TRIM2: variants seen among roughly 807,000 people sequenced by gnomAD.
TRIM2 encodes the protein tripartite motif containing 2.
Under a neutral mutation model 75.2 loss-of-function variants are expected in TRIM2, and 20 were observed. The observed-to-expected ratio is 0.27, with a 90% CI of 0.19 to 0.39. The LOEUF is 0.39. Among genes scored for constraint, TRIM2 ranks in the 10% least tolerant of loss-of-function variants. TRIM2 has a pLI of 1.00. For synonymous variants in TRIM2, 373 were observed against 388.3 expected, an observed-to-expected ratio of 0.96 and a Z score of 0.46; for missense variants, 660 against 990.8, an observed-to-expected ratio of 0.67 and a Z score of 4.48.
At chr4:153,244,364 T>TTCTTCCTCTTCC in intron 1 of TRIM2, among the ~76,000 whole-genome samples, 1 of 30,726 alleles carries the variant, frequency 3.3e-5, no homozygotes, top group South Asian at 1.5e-3. Flanking sequence ...CCTCTTCTTC[T>TTCTTCCTCTTCC]TCTTCTTCTT....
At position 153,164,630 on chromosome 4, in the gene TRIM2, C is replaced by T. The variant is rs544582394; in HGVS notation, c.-49+11360C>T. The stretch of plus-strand genomic sequence containing the variant: ...TCCCGAATTTTCTTTTGGCAGGCAA[C>T]CAGTATTACCAGCCTCTCCCATATC... On this transcript the variant is annotated intron_variant, in intron 1 of 11. Transcript: ENST00000437508. Among the ~76,000 whole-genome samples, 25 of 152,304 alleles carry T rather than the reference C, an allele frequency of 1.6e-4. No homozygotes were observed. In the South Asian group the frequency reaches 4.1e-3, roughly 25 times the overall value.
chr4:153,319,352 A>G (rs1490882381), intron 8 of TRIM2, among the ~76,000 whole-genome samples: 3 of 152,176 alleles, frequency 2.0e-5, no homozygotes, highest in South Asian at 2.1e-4. Context: ...ACTCTAAAAT[A>G]TCTCATCTCT....
chr4:153,221,976 A>AAGGGAGAG (rs1453874385), intron 1 of TRIM2, among the ~76,000 whole-genome samples: 3,288 of 45,490 alleles, frequency 0.072, 86 homozygotes, highest in South Asian at 0.16. Flanking sequence ...GGAAGGGAGG[A>AAGGGAGAG]AGGAAGGAAG....
chr4:153,311,570 G>T (rs1234852364), intron 6 of TRIM2, among the ~76,000 whole-genome samples: 16 of 151,912 alleles, frequency 1.1e-4, no homozygotes, highest in Admixed American at 1.0e-3. Flanking sequence ...TCCCTTCCTT[G>T]TATGCCCTCT....
In TRIM2 at chr4:153,160,114, A is replaced by G. The variant is rs1025893355; in HGVS notation, c.-49+6844A>G. Among the ~76,000 whole-genome samples the G allele has an allele frequency of 2.6e-5, 4 of 152,206 alleles. No homozygotes were observed. The East Asian group carries it at 7.7e-4, about 29-fold the overall frequency. ...ATTTTTAGAATATGAGTCAGTTACAATCTTTACACTGCAGTTTTGAACCAT... is the reference window on the plus strand; with the variant it reads ...ATTTTTAGAATATGAGTCAGTTACAGTCTTTACACTGCAGTTTTGAACCAT... On this transcript the variant is annotated intron_variant, in intron 1 of 11. Transcript: ENST00000437508.
intron 1 of TRIM2, among the ~76,000 whole-genome samples, chr4:153,196,804 A>T (rs1276974132): frequency 1.3e-5 from 2 of 152,164 alleles, no homozygotes. Context: ...TCCCCTTATG[A>T]TCTCTCCCAA....
chr4:153,204,737 A>T (rs781655389), intron 1 of TRIM2, among the ~76,000 whole-genome samples, 177 bp downstream of exon 1: 2 of 152,288 alleles, frequency 1.3e-5, no homozygotes, highest in Middle Eastern at 6.8e-3. Flanking sequence ...AGCTCTGTTA[A>T]TCCAGGCAGG....
chr4:153,201,857 T>C (rs1449202401), upstream of TRIM2, among the ~76,000 whole-genome samples: 1 of 152,126 alleles, frequency 6.6e-6, no homozygotes, highest in Non-Finnish European at 1.5e-5. Flanking sequence ...CTTGGAAAAA[T>C]AAACTTTCTA....
chr4:153,290,082 C>T (rs1226017818), intron 3 of TRIM2, among the ~76,000 whole-genome samples: 1 of 152,114 alleles, frequency 6.6e-6, no homozygotes, highest in African/African-American at 2.4e-5. Context: ...AAAAGTAAAC[C>T]ACCTCTGGCT....
chr4:153,287,788 T>C (rs1376941267), intron 3 of TRIM2, among the ~76,000 whole-genome samples: 4 of 152,308 alleles, frequency 2.6e-5, no homozygotes, highest in African/African-American at 4.8e-5. Flanking sequence ...TTTTATTTTA[T>C]GTCATGTAGG....
chr4:153,178,032 G>A (rs1029770106), intron 1 of TRIM2, among the ~76,000 whole-genome samples: 1 of 151,986 alleles, frequency 6.6e-6, no homozygotes, highest in South Asian at 2.1e-4. Context: ...AAACTCCTGG[G>A]CTCAAGCAAT....
intron 6 of TRIM2, among the ~76,000 whole-genome samples, chr4:153,306,592 G>A (rs1352722215): frequency 1.3e-5 from 2 of 152,164 alleles, no homozygotes; most frequent in East Asian, 1.9e-4. Flanking sequence ...GGAATAGATG[G>A]GGAATGGAAG....
Position 153,335,599 on chromosome 4 carries a change from T to C in TRIM2, c.*633T>C. On this transcript the variant is annotated 3_prime_UTR_variant, in exon 12 of 12. Transcript: ENST00000338700. ...TCAACCTTTCTGGGTTAGACAAAGA[T>C]CCTTTTTTGTGTGTTCTTTTCACCA... The C allele has an allele frequency of 1.0e-6, 1 of 985,430 alleles. No individual in the cohort carries two copies. The highest frequency in any genetic ancestry group is 1.2e-6 in the Non-Finnish European group (1 of 829,930). The allele number at this position is 985,430 out of a possible 1,614,324, so 61.0% of individuals were successfully genotyped here. A position where few individuals can be genotyped will look rare whatever the true frequency, so the allele number is the denominator to read the frequency against.
At chr4:153,154,352 C>G (rs1447231631) in intron 1 of TRIM2, among the ~76,000 whole-genome samples, 2 of 152,238 alleles carry the variant, frequency 1.3e-5, no homozygotes, top group Non-Finnish European at 2.9e-5. Context: ...GAAGACCTCA[C>G]CTTCCCCAGA....
chr4:153,297,624 A>G (rs1300109381), intron 6 of TRIM2, among the ~76,000 whole-genome samples: 1 of 152,034 alleles, frequency 6.6e-6, no homozygotes, highest in African/African-American at 2.4e-5. Context: ...TTACGAACAA[A>G]TTCATTTTCC....
At chr4:153,275,385 T>TA (rs1393697898) in intron 2 of TRIM2, among the ~76,000 whole-genome samples, 2 of 152,254 alleles carry the variant, frequency 1.3e-5, no homozygotes, top group Non-Finnish European at 2.9e-5. Context: ...ATGTGTTTTT[T>TA]ATATCTCATT....
intron 1 of TRIM2, among the ~76,000 whole-genome samples, chr4:153,227,447 A>T (rs1027252567): frequency 6.6e-6 from 1 of 152,208 alleles, no homozygotes; most frequent in Admixed American, 6.5e-5. Flanking sequence ...AATCGCCAAA[A>T]TAGCCTCTCA....
chr4:153,228,610 C>A (rs1410639667), intron 1 of TRIM2, among the ~76,000 whole-genome samples: 2 of 152,234 alleles, frequency 1.3e-5, no homozygotes, highest in Admixed American at 6.5e-5. Context: ...CTCCTGCCAC[C>A]ATTAAACAGA....
intron 1 of TRIM2, among the ~76,000 whole-genome samples, chr4:153,186,787 C>T (rs768279436): frequency 2.6e-5 from 4 of 152,144 alleles, no homozygotes; most frequent in Non-Finnish European, 5.9e-5. Flanking sequence ...AAGCCTGCTC[C>T]TCTAGACCTT....
Sources: allele counts gnomAD v4.1 joint callset (sites outside exome capture counted in the v4.1 genomes callset), GRCh38; gene constraint gnomAD v4.1.1; transcripts MANE v1.5; gene names NCBI Gene and HGNC (gene_info 2026-07-23, HGNC 2026-07-21).